SLC44A5: variants seen among roughly 807,000 people sequenced by gnomAD.
SLC44A5 encodes the protein choline transporter-like protein 5.
In SLC44A5, 57 loss-of-function variants were observed where a neutral mutation model predicts 101.8. That is an observed-to-expected ratio of 0.56 (90% CI 0.45 to 0.70). SLC44A5 has a LOEUF of 0.70. Among genes scored for constraint, SLC44A5 ranks in the 30% least tolerant of loss-of-function variants. The probability of loss-of-function intolerance (pLI) is 0.00; values close to 1 mark genes in which losing one functional copy is unlikely to be tolerated. For synonymous variants in SLC44A5, 281 were observed against 290.9 expected, an observed-to-expected ratio of 0.97 and a Z score of 0.35; for missense variants, 737 against 853.1, an observed-to-expected ratio of 0.86 and a Z score of 1.70.
chr1:75,602,667 G>C (rs1675047888), intron 1 of SLC44A5, among the ~76,000 whole-genome samples: 1 of 152,046 alleles, frequency 6.6e-6, no homozygotes, highest in South Asian at 2.1e-4. Flanking sequence ...TGACATTCTT[G>C]TGCAACCAAA....
chr1:75,398,843 C>G (rs111921482), intron 2 of SLC44A5, among the ~76,000 whole-genome samples: 7,730 of 151,818 alleles, frequency 0.051, 636 homozygotes, highest in African/African-American at 0.18. Flanking sequence ...CTGGTGTCTG[C>G]GTAAGATACC....
At chr1:75,570,752 A>G (rs1383696652) in intron 1 of SLC44A5, among the ~76,000 whole-genome samples, 2 of 152,208 alleles carry the variant, frequency 1.3e-5, no homozygotes, top group African/African-American at 4.8e-5. Context: ...CCACCCCTGG[A>G]AGTAAGACTG....
At chr1:75,649,906 A>C in the SLC44A5 span, among the ~76,000 whole-genome samples, 5 of 152,130 alleles carry the variant, frequency 3.3e-5, no homozygotes, top group Non-Finnish European at 7.4e-5. Context: ...GAACCTCTGG[A>C]TTGCCTGTAG....
At chr1:75,325,447 A>C (rs1656505652) in intron 4 of SLC44A5, among the ~76,000 whole-genome samples, 1 of 152,166 alleles carries the variant, frequency 6.6e-6, no homozygotes. Flanking sequence ...TTATATATAC[A>C]TATATACAGT....
At chr1:75,593,243 AC>A (rs1215313701) in intron 1 of SLC44A5, among the ~76,000 whole-genome samples, 51 of 152,114 alleles carry the variant, frequency 3.4e-4, no homozygotes, top group African/African-American at 1.2e-3. Context: ...GTTACTCAAA[AC>A]CATTGCTTAT....
intron 2 of SLC44A5, among the ~76,000 whole-genome samples, chr1:75,402,845 A>G (rs1282723661): frequency 6.6e-6 from 1 of 152,110 alleles, no homozygotes; most frequent in African/African-American, 2.4e-5. Context: ...AGTGAGACAG[A>G]ACCATTTACT....
Position 75,254,394 on chromosome 1 carries a change from C to T in SLC44A5, c.261-3100G>A, listed in dbSNP as rs1649842556. The stretch of plus-strand genomic sequence containing the variant: ...TGGTGGTGGTTGCAGCTGAGCAATT[C>T]TGTAGAAGTAATTGAGGAAGTAACT... On this transcript the variant is annotated intron_variant, in intron 6 of 23. Coordinates refer to ENST00000370859, the MANE Select transcript of SLC44A5 (RefSeq NM_001130058.2). 2.0e-5 allele frequency among the ~76,000 whole-genome samples: 3 copies of T among 152,070 alleles called. No individual in the cohort carries two copies. The South Asian group carries it at 6.2e-4, about 31-fold the overall frequency.
Position 75,436,577 on chromosome 1 carries a change from T to C in SLC44A5, c.14-39956A>G, listed in dbSNP as rs183277944. Reference sequence around the variant, plus strand: ...AGTCAGTGAGTGAGTGCTGAGTAAATGTGAAGGCCTAGGACATTACTGTAC... The same window carrying C: ...AGTCAGTGAGTGAGTGCTGAGTAAACGTGAAGGCCTAGGACATTACTGTAC... On this transcript the variant is annotated intron_variant, in intron 2 of 23. Transcript: ENST00000370859. 5.3e-5 allele frequency among the ~76,000 whole-genome samples: 8 copies of C among 152,182 alleles called. No individual in the cohort carries two copies. The East Asian group carries it at 1.5e-3, about 29-fold the overall frequency.
intron 2 of SLC44A5, among the ~76,000 whole-genome samples, chr1:75,422,567 A>T (rs1664072655): frequency 6.6e-6 from 1 of 152,242 alleles, no homozygotes; most frequent in Non-Finnish European, 1.5e-5. Context: ...CATACACAAC[A>T]GTAGCGATTA....
chr1:75,549,804 C>T (rs947093914), intron 1 of SLC44A5, among the ~76,000 whole-genome samples: 29 of 152,006 alleles, frequency 1.9e-4, no homozygotes, highest in Admixed American at 8.5e-4. Flanking sequence ...AACTAGCTTG[C>T]GAAGCAGTGG....
Position 75,472,999 on chromosome 1 carries a change from G to C in SLC44A5, c.13+68436C>G, listed in dbSNP as rs543091386. On this transcript the variant is annotated intron_variant, in intron 2 of 23. Coordinates refer to ENST00000370859, the MANE Select transcript of SLC44A5 (RefSeq NM_001130058.2). ...CTCAAAGGTAACTGGCTATAAAACT[G>C]TTTTATGTTGCTAGTATTCCTAGTC... 2.0e-5 allele frequency among the ~76,000 whole-genome samples: 3 copies of C among 152,238 alleles called. No homozygotes were observed. The East Asian group carries it at 5.8e-4, about 29-fold the overall frequency.
chr1:75,462,635 T>C lies in SLC44A5; in HGVS notation c.14-66014A>G, dbSNP rs184303159. On this transcript the variant is annotated intron_variant, in intron 2 of 23. Transcript: ENST00000370859. The stretch of plus-strand genomic sequence containing the variant: ...TGAGGAAATGCAATGAAATTCAAGA[T>C]AACGCAGAGAAGGAATTCAAAATGC... Among the ~76,000 whole-genome samples the C allele has an allele frequency of 1.3e-3, 197 of 151,996 alleles. 2 individuals are homozygous for C. Among genetic ancestry groups the C allele is most frequent in the African/African-American group, 4.7e-3 (194 of 41,434 alleles).
chr1:75,523,453 C>T (rs1420487286), intron 2 of SLC44A5, among the ~76,000 whole-genome samples: 3 of 152,054 alleles, frequency 2.0e-5, no homozygotes, highest in Non-Finnish European at 2.9e-5. Context: ...GCTGGGATTA[C>T]AGGCACCTAA....
At chr1:75,662,145 C>A in the SLC44A5 span, among the ~76,000 whole-genome samples, 6 of 152,048 alleles carry the variant, frequency 3.9e-5, no homozygotes, top group South Asian at 1.2e-3. Flanking sequence ...TATATATATA[C>A]AATGGAATCA....
At chr1:75,359,541 A>C (rs997343462) in intron 3 of SLC44A5, among the ~76,000 whole-genome samples, 12 of 151,912 alleles carry the variant, frequency 7.9e-5, no homozygotes, top group African/African-American at 2.9e-4. Flanking sequence ...ATGCCCAGCT[A>C]TACCACATTT....
chr1:75,560,527 CTG>C (rs1455556854), intron 1 of SLC44A5, among the ~76,000 whole-genome samples: 2 of 152,118 alleles, frequency 1.3e-5, no homozygotes, highest in Admixed American at 1.3e-4. Context: ...TTGCACAACT[CTG>C]TGAATATCAT....
chr1:75,509,216 G>A (rs779263065), intron 2 of SLC44A5, among the ~76,000 whole-genome samples: 32 of 152,160 alleles, frequency 2.1e-4, no homozygotes, highest in Non-Finnish European at 4.0e-4. Flanking sequence ...TCAAGACTTG[G>A]GAAAGTAAGG....
At chr1:75,231,727 T>C (rs1312857060) in intron 12 of SLC44A5, among the ~76,000 whole-genome samples, 3 of 152,198 alleles carry the variant, frequency 2.0e-5, no homozygotes, top group Admixed American at 6.6e-5. Context: ...TAAAGAAAAC[T>C]GTATGCTTGC....
intron 9 of SLC44A5, among the ~76,000 whole-genome samples, chr1:75,239,647 T>A (rs1237227862): frequency 1.3e-5 from 2 of 152,054 alleles, no homozygotes; most frequent in African/African-American, 4.8e-5. Flanking sequence ...GTGGCAAATT[T>A]GACACAGTAG....
Sources: allele counts gnomAD v4.1 joint callset (sites outside exome capture counted in the v4.1 genomes callset), GRCh38; gene constraint gnomAD v4.1.1; transcripts MANE v1.5; gene names NCBI Gene and HGNC (gene_info 2026-07-23, HGNC 2026-07-21).